FBN2: variants seen among roughly 807,000 people sequenced by gnomAD.
The protein encoded by FBN2 is fibrillin 2.
In FBN2, 105 loss-of-function variants were observed where a neutral mutation model predicts 355.6. The ratio of observed to expected loss-of-function variants is 0.30; its 90% CI spans 0.25 to 0.35. The LOEUF (loss-of-function observed/expected upper bound fraction) is 0.35, where lower values mean the gene tolerates loss of function less well. Among genes scored for constraint, FBN2 ranks in the 10% least tolerant of loss-of-function variants. The pLI, the probability that FBN2 is intolerant of heterozygous loss-of-function variation, is 1.00. For missense variants in FBN2, 3,280 were observed against 3,758.7 expected, an observed-to-expected ratio of 0.87 and a Z score of 3.33; for synonymous variants, 1,350 against 1,301.2, an observed-to-expected ratio of 1.04 and a Z score of -0.81.
chr5:128,351,547 CAA>C (rs1193084115), intron 20 of FBN2, among the ~76,000 whole-genome samples: 3 of 124,046 alleles, frequency 2.4e-5, no homozygotes, highest in Admixed American at 8.2e-5. Flanking sequence ...AACTTCGTCT[CAA>C]AAAAAAAAAA....
intron 16 of FBN2, among the ~76,000 whole-genome samples, chr5:128,368,701 G>A (rs931499972): frequency 4.6e-5 from 7 of 151,340 alleles, no homozygotes; most frequent in African/African-American, 1.5e-4. Flanking sequence ...TCAGCATCTC[G>A]CTCTGTTACT....
chr5:128,447,338 A>G (rs1190760571), intron 6 of FBN2, among the ~76,000 whole-genome samples: 1 of 152,218 alleles, frequency 6.6e-6, no homozygotes, highest in African/African-American at 2.4e-5. Flanking sequence ...TTTCTCAGCA[A>G]GAAACAGCCC....
intron 25 of FBN2, among the ~76,000 whole-genome samples, chr5:128,342,341 C>T (rs1475806779): frequency 6.6e-6 from 1 of 152,010 alleles, no homozygotes; most frequent in East Asian, 1.9e-4. Flanking sequence ...ATTTGGCAAG[C>T]AGAGGTCCAG....
chr5:128,466,187 A>T (rs530478032), intron 5 of FBN2, among the ~76,000 whole-genome samples: 1 of 152,340 alleles, frequency 6.6e-6, no homozygotes, highest in Non-Finnish European at 1.5e-5. Flanking sequence ...CAATTCAATT[A>T]TTCTCATTTG....
intron 48 of FBN2, among the ~76,000 whole-genome samples, chr5:128,297,407 T>C (rs922793528): frequency 1.3e-5 from 2 of 152,200 alleles, no homozygotes; most frequent in South Asian, 4.1e-4. Flanking sequence ...ACCTTCTGTC[T>C]CGTTGATCTG....
chr5:128,528,071 A>G, intron 3 of FBN2, 104 bp from the exon 4 acceptor site: 1 of 763,222 alleles, frequency 1.3e-6, no homozygotes, highest in Admixed American at 2.0e-5. Flanking sequence ...TTCAATGACA[A>G]TTATATCTTA....
chr5:128,446,417 G>T (rs745604405), intron 7 of FBN2, 64 bp downstream of exon 7: 1 of 1,558,146 alleles, frequency 6.4e-7, no homozygotes, highest in Non-Finnish European at 8.8e-7. Flanking sequence ...AATTTCAAAT[G>T]AAGTCCTGTT....
chr5:128,260,982 A>G (rs1764951094), intron 64 of FBN2, among the ~76,000 whole-genome samples: 1 of 152,334 alleles, frequency 6.6e-6, no homozygotes. Flanking sequence ...AACACATGTG[A>G]TATATATGTC....
At chr5:128,314,846 T>A (rs1436175715) in intron 36 of FBN2, among the ~76,000 whole-genome samples, 1 of 152,198 alleles carries the variant, frequency 6.6e-6, no homozygotes. Flanking sequence ...ATTTCATTTT[T>A]ATAACTTTTC....
At chr5:128,461,645 T>C (rs1415975923) in intron 6 of FBN2, among the ~76,000 whole-genome samples, 1 of 152,122 alleles carries the variant, frequency 6.6e-6, no homozygotes, top group African/African-American at 2.4e-5. Flanking sequence ...ATGTGGTACA[T>C]ATACACCATG....
chr5:128,425,800 A>C (rs1257021158), intron 7 of FBN2, among the ~76,000 whole-genome samples: 1 of 152,198 alleles, frequency 6.6e-6, no homozygotes, highest in East Asian at 1.9e-4. Context: ...TGGTACCCTC[A>C]TTCACTGAGA....
chr5:128,439,809 A>G (rs1428530194), intron 7 of FBN2, among the ~76,000 whole-genome samples: 2 of 152,050 alleles, frequency 1.3e-5, no homozygotes, highest in African/African-American at 4.8e-5. Context: ...ATGCTTTCTC[A>G]GGTCTAAGAC....
At chr5:128,304,896 C>A (rs1749824071) in intron 45 of FBN2, 61 bp downstream of exon 45, 2 of 1,607,734 alleles carry the variant, frequency 1.2e-6, no homozygotes, top group Admixed American at 1.7e-5. Flanking sequence ...CTTGATGGAA[C>A]TGTGATCTGT....
chr5:128,325,567 G>A (rs1470824937), intron 34 of FBN2, among the ~76,000 whole-genome samples: 1 of 152,182 alleles, frequency 6.6e-6, no homozygotes, highest in African/African-American at 2.4e-5. Flanking sequence ...GATTAAAGTT[G>A]ACAAATGTAG....
intron 40 of FBN2, 23 bp downstream of exon 40, chr5:128,309,960 T>C: frequency 6.2e-7 from 1 of 1,612,536 alleles, no homozygotes; most frequent in Non-Finnish European, 8.5e-7. Flanking sequence ...GTGCTCTAAT[T>C]AATCTCAGAG....
At chr5:128,447,002 A>G (rs561326352) in intron 6 of FBN2, among the ~76,000 whole-genome samples, 1 of 152,324 alleles carries the variant, frequency 6.6e-6, no homozygotes, top group African/African-American at 2.4e-5. Flanking sequence ...CTCTGAACAT[A>G]AATTGTGAAG....
chr5:128,530,253 A>AT lies in FBN2; in HGVS notation c.436+341_436+342insA, dbSNP rs1491504267. Among the ~76,000 whole-genome samples the AT allele has an allele frequency of 2.6e-5, 4 of 152,192 alleles. No individual in the cohort carries two copies. The East Asian group carries it at 5.8e-4, about 22-fold the overall frequency. ...GTAAAGTATGTGGTCAGTACTCAAT[A>AT]AACACATGCTGCCTTTGGAGTTCTC... On this transcript the variant is annotated intron_variant, in intron 3 of 64. Coordinates refer to ENST00000262464, the MANE Select transcript of FBN2 (RefSeq NM_001999.4).
chr5:128,346,162 C>T (rs956312607), intron 23 of FBN2, among the ~76,000 whole-genome samples: 11 of 152,152 alleles, frequency 7.2e-5, no homozygotes, highest in African/African-American at 2.4e-4. Flanking sequence ...TTAAATGTCA[C>T]ATTTTCCCTC....
chr5:128,425,578 T>C (rs538872595), intron 7 of FBN2, among the ~76,000 whole-genome samples: 80 of 152,268 alleles, frequency 5.3e-4, no homozygotes, highest in Non-Finnish European at 9.3e-4. Flanking sequence ...TTTTGCATAA[T>C]GCAGTAAGAA....
Sources: gnomAD v4.1 joint callset for allele counts (sites outside exome capture counted in the v4.1 genomes callset) on GRCh38, gnomAD v4.1.1 for gene constraint, MANE v1.5 for transcripts, NCBI Gene and HGNC (gene_info 2026-07-23, HGNC 2026-07-21) for gene names.